Variants in NOA1 observed in about 807,000 individuals in gnomAD.
The protein encoded by NOA1 is nitric oxide associated 1.
In NOA1, 35 loss-of-function variants were observed where a neutral mutation model predicts 58.4. The observed-to-expected ratio is 0.60, with a 90% CI of 0.46 to 0.79. The LOEUF is 0.79. Among genes scored for constraint, NOA1 ranks in the 30% least tolerant of loss-of-function variants. NOA1 has a pLI of 0.00. For synonymous variants in NOA1, 397 were observed against 373.4 expected (o/e 1.06, Z -0.73); for missense variants, 895 against 894.6 (o/e 1.00, Z -0.01).
At chr4:56,972,944 C>T (rs1466322684) in intron 3 of NOA1, among the ~76,000 whole-genome samples, 1 of 152,100 alleles carries the variant, frequency 6.6e-6, no homozygotes, top group Non-Finnish European at 1.5e-5. Flanking sequence ...AGTACTTGTG[C>T]AATTGAAAGT....
rs778035395 is a variant in NOA1 at position 56,977,055 on chromosome 4, G to A, written c.531C>T (p.Thr177=). The A allele has an allele frequency of 1.9e-6, 3 of 1,581,040 alleles. No homozygotes were observed. Among genetic ancestry groups the A allele is most frequent in the African/African-American group, 1.3e-5 (1 of 74,418 alleles). ...TAEADGGLAR[T]VCQRCWLLSH... Reference sequence around the variant, plus strand: ...ACAGCAGCCAGCAGCGCTGGCACACGGTCCGTGCCAGCCCGCCGTCTGCCT... The same window carrying A: ...ACAGCAGCCAGCAGCGCTGGCACACAGTCCGTGCCAGCCCGCCGTCTGCCT... Residue 177 remains threonine (T), a synonymous_variant, in exon 1 of 7, where the codon ACC becomes ACT. Transcript: ENST00000264230.
At chr4:56,970,734 C>A (rs908874252) in intron 3 of NOA1, among the ~76,000 whole-genome samples, 1 of 151,970 alleles carries the variant, frequency 6.6e-6, no homozygotes, top group Non-Finnish European at 1.5e-5. Flanking sequence ...AGTGCTGGGA[C>A]TACAGGTGTG....
intron 5 of NOA1, among the ~76,000 whole-genome samples, chr4:56,965,329 C>T (rs1443973409): frequency 6.6e-6 from 1 of 152,068 alleles, no homozygotes; most frequent in South Asian, 2.1e-4. Flanking sequence ...TTCATCTATT[C>T]ATTAGCAAAT....
chr4:56,963,772 C>G, intron 6 of NOA1, 111 bp from the exon 7 acceptor site: 1 of 700,542 alleles, frequency 1.4e-6, no homozygotes, highest in Non-Finnish European at 2.4e-6. Context: ...CTCTTTCACT[C>G]TCTTATTATT....
At position 56,975,663 on chromosome 4, in the gene NOA1, G is replaced by A. The variant is rs1721894897; in HGVS notation, c.1144+779C>T. ...GATGCTGAGGCGGGCGGATCACGAG[G>A]TCAGGGGTTTGAGACCAGCCTGACC... On this transcript the variant is annotated intron_variant, in intron 1 of 6. Transcript: ENST00000264230. Among the ~76,000 whole-genome samples, 8 of 152,220 alleles carry A rather than the reference G, an allele frequency of 5.3e-5. No homozygotes were observed. The South Asian group carries it at 1.7e-3, about 32-fold the overall frequency.
chr4:56,973,467 A>AC (rs1721845642), intron 2 of NOA1, 114 bp from the exon 3 acceptor site: 1 of 884,870 alleles, frequency 1.1e-6, no homozygotes, highest in African/African-American at 1.7e-5. Flanking sequence ...GGGAAGTGAG[A>AC]CCATAATGAT....
intron 5 of NOA1, among the ~76,000 whole-genome samples, chr4:56,965,065 T>C (rs1259955110): frequency 2.0e-5 from 3 of 151,972 alleles, no homozygotes; most frequent in Non-Finnish European, 2.9e-5. Context: ...AATGGCACGA[T>C]ATCAGCTCAC....
intron 3 of NOA1, among the ~76,000 whole-genome samples, chr4:56,969,985 T>C (rs1560464313): frequency 6.6e-6 from 1 of 152,122 alleles, no homozygotes; most frequent in African/African-American, 2.4e-5. Flanking sequence ...GGTTTTGTCA[T>C]GTTGGCCAGG....
At chr4:56,974,063 AAGGGGGAAG>A in intron 1 of NOA1, 41 bp from the exon 2 acceptor site, 1 of 1,460,694 alleles carries the variant, frequency 6.8e-7, no homozygotes, top group Non-Finnish European at 9.5e-7. Context: ...AAAAGGGAAT[AAGGGGGAAG>A]AAAATGAACA....
intron 3 of NOA1, 29 bp from the exon 4 acceptor site, chr4:56,968,544 A>C (rs753332872): frequency 6.7e-7 from 1 of 1,486,332 alleles, no homozygotes; most frequent in Non-Finnish European, 9.2e-7. Context: ...ATTTTTAAGA[A>C]AATACTTTTA....
intron 1 of NOA1, among the ~76,000 whole-genome samples, chr4:56,974,738 C>T (rs569457141): frequency 6.6e-6 from 1 of 151,766 alleles, no homozygotes; most frequent in Admixed American, 6.6e-5. Flanking sequence ...TTTGAGACAG[C>T]GTCTTGCTCT....
Position 56,976,760 on chromosome 4 carries a change from C to T in NOA1, c.826G>A (p.Gly276Arg), listed in dbSNP as rs1187774457. ...ERLWEDCARA[G>R]LLLAPGHQGP... ...TGGTGGCCAGGGGCCAGCAGGAGCCCGGCGCGGGCACAGTCCTCCCACAGT... is the reference window on the plus strand; with the variant it reads ...TGGTGGCCAGGGGCCAGCAGGAGCCTGGCGCGGGCACAGTCCTCCCACAGT... Residue 276 changes from glycine to arginine, a missense_variant, in exon 1 of 7, where the codon GGG (glycine) becomes AGG (arginine). This residue lies in a region of NOA1 where 680 missense variants were observed against 656.5 expected (regional missense o/e 1.04). Transcript: ENST00000264230. The T allele has an allele frequency of 2.5e-6, 4 of 1,609,396 alleles. No homozygotes were observed. Among genetic ancestry groups the T allele is most frequent in the African/African-American group, 1.3e-5 (1 of 74,864 alleles).
intron 1 of NOA1, among the ~76,000 whole-genome samples, chr4:56,974,651 C>CA (rs5858406): frequency 1.1e-4 from 16 of 143,992 alleles, no homozygotes; most frequent in East Asian, 2.1e-4. Context: ...GCCTCTGTCT[C>CA]AAAAAAAAAA....
chr4:56,970,253 A>C (rs1333681897), intron 3 of NOA1, among the ~76,000 whole-genome samples: 1 of 151,800 alleles, frequency 6.6e-6, no homozygotes, highest in Non-Finnish European at 1.5e-5. Flanking sequence ...CCAAGATTCC[A>C]CCACTGCACT....
In NOA1 at chr4:56,977,021, G is replaced by C; in HGVS notation, c.565C>G (p.Arg189Gly). ...CQRCWLLSHH[R>G]RALRLQVSRE... The stretch of plus-strand genomic sequence containing the variant: ...CTCACCTGCAGGCGTAGAGCGCGCC[G>C]GTGGTGCGACAGCAGCCAGCAGCGC... The change falls in exon 1 of 7, where the codon CGG becomes GGG. Residue 189 changes from arginine to glycine, a missense_variant. This residue lies in a region of NOA1 where 680 missense variants were observed against 656.5 expected (regional missense o/e 1.04). Transcript: ENST00000264230. The C allele has an allele frequency of 3.8e-6, 6 of 1,589,690 alleles. No individual in the cohort carries two copies. Among genetic ancestry groups the C allele is most frequent in the Non-Finnish European group, 5.1e-6 (6 of 1,172,916 alleles).
At chr4:56,976,248 C>T (rs1432388456) in intron 1 of NOA1, among the ~76,000 whole-genome samples, 194 bp downstream of exon 1, 1 of 152,196 alleles carries the variant, frequency 6.6e-6, no homozygotes, top group Non-Finnish European at 1.5e-5. Context: ...AAAATTACTA[C>T]AACACATCCT....
At position 56,977,407 on chromosome 4, in the gene NOA1, TC is replaced by T; in HGVS notation, c.178del (p.Glu60ArgfsTer80). The T allele has an allele frequency of 6.2e-7, 1 of 1,614,140 alleles. No homozygotes were observed. Among genetic ancestry groups the T allele is most frequent in the Non-Finnish European group, 8.5e-7 (1 of 1,180,014 alleles). On this transcript the variant is annotated frameshift_variant, in exon 1 of 7. Transcript: ENST00000264230. LOFTEE classifies it high-confidence loss of function. The part of the protein sequence containing the change: ...RELPYDPVDT[E>X]GFGEGGDMQE... Reference sequence around the variant, plus strand: ...CATGTCACCACCTTCTCCAAAGCCCTCCGTGTCCACGGGGTCATAAGGAAGC... The same window carrying T: ...CATGTCACCACCTTCTCCAAAGCCCTCGTGTCCACGGGGTCATAAGGAAGC...
intron 3 of NOA1, among the ~76,000 whole-genome samples, chr4:56,969,567 G>A (rs555841876): frequency 2.0e-5 from 3 of 152,110 alleles, no homozygotes; most frequent in Admixed American, 6.6e-5. Flanking sequence ...GCAAGACTCC[G>A]TCTCAAAGGA....
At chr4:56,970,589 T>C (rs1443318384) in intron 3 of NOA1, among the ~76,000 whole-genome samples, 2 of 151,934 alleles carry the variant, frequency 1.3e-5, no homozygotes, top group Non-Finnish European at 2.9e-5. Flanking sequence ...GCCTCCTCAA[T>C]AGCTGGGATT....
Sources: gnomAD v4.1 joint callset for allele counts (sites outside exome capture counted in the v4.1 genomes callset) on GRCh38, gnomAD v4.1.1 for gene constraint, gnomAD v4.1.1 regional missense constraint, MANE v1.5 for transcripts, NCBI Gene and HGNC (gene_info 2026-07-23, HGNC 2026-07-21) for gene names.